Variants in KCNH1 observed in about 807,000 individuals in gnomAD.
The protein encoded by KCNH1 is voltage-gated delayed rectifier potassium channel KCNH1.
In KCNH1, 27 loss-of-function variants were observed where a neutral mutation model predicts 69.2. The observed-to-expected ratio is 0.39, with a 90% confidence interval of 0.29 to 0.54. The LOEUF (loss-of-function observed/expected upper bound fraction) is 0.54, where lower values mean the gene tolerates loss of function less well. Ranked by LOEUF, KCNH1 falls within the 20% of genes least tolerant of loss-of-function variation. KCNH1 has a pLI of 0.68. For missense variants in KCNH1, 798 were observed against 1,261.6 expected (o/e 0.63, Z 5.57); for synonymous variants, 456 against 487.7 (o/e 0.93, Z 0.86).
rs1162829750 is a variant in KCNH1, at chr1:210,759,892, C to G, written c.2112+15456G>C. 2.0e-5 allele frequency among the ~76,000 whole-genome samples: 3 copies of G among 152,292 alleles called. No homozygotes were observed. The East Asian group carries it at 5.8e-4, about 29-fold the overall frequency. ...CCCTGGAGCCATGACTGGTACCAGT[C>G]CAAGGCCTGTTAAAAACGGGTCCAT... On this transcript the variant is annotated intron_variant, in intron 10 of 10. Coordinates refer to ENST00000271751, the MANE Select transcript of KCNH1 (RefSeq NM_172362.3).
At chr1:211,029,481 A>G (rs761010851) in intron 5 of KCNH1, among the ~76,000 whole-genome samples, 42 of 152,010 alleles carry the variant, frequency 2.8e-4, no homozygotes, top group Non-Finnish European at 4.6e-4. Context: ...AAAACACTCA[A>G]TAAAATTCAA....
chr1:211,083,027 T>C (rs1173191206), intron 4 of KCNH1, 129 bp from the exon 5 acceptor site: 11 of 700,950 alleles, frequency 1.6e-5, no homozygotes, highest in South Asian at 3.8e-5. Flanking sequence ...TGAGTCACTC[T>C]GCATCCCTGC....
intron 3 of KCNH1, 90 bp from the exon 4 acceptor site, chr1:211,090,780 TA>T: frequency 8.6e-7 from 1 of 1,163,786 alleles, no homozygotes; most frequent in Non-Finnish European, 1.2e-6. Flanking sequence ...TAGGTACAAA[TA>T]TTAATTCATT....
In KCNH1 at chr1:211,133,838, G is replaced by A; in HGVS notation, c.79+29C>T. 3 of 1,595,572 alleles carry A rather than the reference G, an allele frequency of 1.9e-6. No homozygotes were observed. The highest frequency in any genetic ancestry group is 2.6e-6 in the Non-Finnish European group (3 of 1,168,382). ...AATAAAGGCACGGATAAAACGCCCG[G>A]GTAATCGAAATCCGAATGCACCTCT... On this transcript the variant is annotated intron_variant, in intron 1 of 10. Transcript: ENST00000271751. This position sits in a 1 kb window ranked among gnomAD's most constrained non-coding sequence, Gnocchi z 5.4.
chr1:211,062,343 A>G (rs1021350750), intron 5 of KCNH1, among the ~76,000 whole-genome samples: 2 of 152,188 alleles, frequency 1.3e-5, no homozygotes, highest in African/African-American at 4.8e-5. Flanking sequence ...CTTAAATCTA[A>G]TACCTAACTA....
chr1:210,992,700 C>T (rs754658238), intron 6 of KCNH1, among the ~76,000 whole-genome samples: 4 of 152,048 alleles, frequency 2.6e-5, no homozygotes, highest in Non-Finnish European at 5.9e-5. Context: ...TTTTTCTGTT[C>T]AAATGGAATC....
intron 9 of KCNH1, among the ~76,000 whole-genome samples, chr1:210,788,987 C>T (rs557128006): frequency 1.5e-4 from 23 of 149,078 alleles, no homozygotes; most frequent in Non-Finnish European, 3.1e-4. Flanking sequence ...TGAGCCACCG[C>T]GCCCGGCCTA....
At chr1:210,899,492 T>G (rs994642857) in intron 7 of KCNH1, among the ~76,000 whole-genome samples, 2 of 44,080 alleles carry the variant, frequency 4.5e-5, no homozygotes, top group Admixed American at 1.9e-4. Flanking sequence ...ACTTATGAGA[T>G]ATATATATAT....
intron 5 of KCNH1, among the ~76,000 whole-genome samples, chr1:211,019,823 A>G (rs752798444): frequency 1.3e-5 from 2 of 152,222 alleles, no homozygotes; most frequent in Non-Finnish European, 2.9e-5. Flanking sequence ...ACCACAGTGG[A>G]AGTACACTAG....
chr1:211,100,901 T>C (rs1691245551), intron 3 of KCNH1, among the ~76,000 whole-genome samples: 1 of 152,206 alleles, frequency 6.6e-6, no homozygotes, highest in Non-Finnish European at 1.5e-5. Context: ...AATACACATT[T>C]CCATTCACTG....
intron 5 of KCNH1, among the ~76,000 whole-genome samples, chr1:211,047,854 G>T (rs111305580): frequency 6.7e-6 from 1 of 150,324 alleles, no homozygotes; most frequent in Non-Finnish European, 1.5e-5. Context: ...ACTCAAATCC[G>T]CAAGGAAAAA....
intron 8 of KCNH1, among the ~76,000 whole-genome samples, chr1:210,802,514 G>A (rs905599450): frequency 6.6e-6 from 1 of 152,090 alleles, no homozygotes; most frequent in Non-Finnish European, 1.5e-5. Flanking sequence ...ATTGAGAATA[G>A]ATTTAATCTC....
chr1:210,844,200 C>T (rs185616562), intron 7 of KCNH1, among the ~76,000 whole-genome samples: 3 of 152,294 alleles, frequency 2.0e-5, no homozygotes, highest in Admixed American at 2.0e-4. Flanking sequence ...GTTCCTAACA[C>T]TCTGTCTGGC....
chr1:211,095,848 C>T (rs887833544), intron 3 of KCNH1, among the ~76,000 whole-genome samples: 3 of 152,100 alleles, frequency 2.0e-5, no homozygotes, highest in Admixed American at 6.5e-5. Context: ...ATGTAATGGC[C>T]ACTGGCCATT....
intron 10 of KCNH1, among the ~76,000 whole-genome samples, chr1:210,754,819 G>T (rs1683358063): frequency 6.6e-6 from 1 of 151,124 alleles, no homozygotes; most frequent in African/African-American, 2.4e-5. Flanking sequence ...AACATAAGGA[G>T]GGCCTGATAC....
chr1:211,019,115 A>G lies in KCNH1; in HGVS notation c.700T>C (p.Leu234=), dbSNP rs763362705. The G allele has an allele frequency of 7.4e-6, 12 of 1,613,966 alleles. No homozygotes were observed. Among genetic ancestry groups the G allele is most frequent in the African/African-American group, 4.0e-5 (3 of 74,922 alleles). ...TTGAAGGAGACATTATAAGGGACCA[A>G]GATGGCTGTATAGAAGGTCAAGATC... ...ILILTFYTAI[L]VPYNVSFKTR... is the part of the protein sequence containing the mutation. The change falls in exon 6 of 11, where the codon TTG becomes CTG. Residue 234 remains leucine (L), a synonymous_variant. Coordinates refer to ENST00000271751, the MANE Select transcript of KCNH1 (RefSeq NM_172362.3).
chr1:210,939,410 T>C (rs1384398258), intron 6 of KCNH1, among the ~76,000 whole-genome samples: 1 of 152,148 alleles, frequency 6.6e-6, no homozygotes, highest in East Asian at 1.9e-4. Flanking sequence ...GATGTTAGCA[T>C]TTCAGGCCCA....
At chr1:210,959,988 T>C (rs978402922) in intron 6 of KCNH1, among the ~76,000 whole-genome samples, 2 of 152,206 alleles carry the variant, frequency 1.3e-5, no homozygotes, top group Non-Finnish European at 2.9e-5. Flanking sequence ...GTCTTCTACA[T>C]CAATCATGCT....
chr1:210,783,888 A>G (rs942354790), intron 9 of KCNH1, among the ~76,000 whole-genome samples: 1 of 152,102 alleles, frequency 6.6e-6, no homozygotes, highest in Admixed American at 6.6e-5. Context: ...CAATATGTTG[A>G]CCTCTGTGAT....
Sources: allele counts gnomAD v4.1 joint callset (sites outside exome capture counted in the v4.1 genomes callset), GRCh38; gene constraint gnomAD v4.1.1; non-coding constraint Gnocchi (gnomAD v3.1); transcripts MANE v1.5; gene names NCBI Gene and HGNC (gene_info 2026-07-23, HGNC 2026-07-21).